The following DCAF8 variants were observed in gnomAD, a reference collection of about 807,000 sequenced individuals.
DCAF8 encodes DDB1- and CUL4-associated factor 8.
DCAF8 carries 20 observed loss-of-function variants against 68.0 expected under a neutral mutation model. That is an observed-to-expected ratio of 0.29 (90% CI 0.21 to 0.43). DCAF8 has a LOEUF of 0.43. DCAF8 is among the 20% of genes least tolerant of loss of function. The pLI is 1.00. For missense variants in DCAF8, 460 were observed against 771.0 expected (o/e 0.60, Z 4.78); for synonymous variants, 230 against 276.9 (o/e 0.83, Z 1.68).
chr1:160,222,636 G>C lies in DCAF8; in HGVS notation c.1440+15C>G. The C allele has an allele frequency of 6.2e-7, 1 of 1,613,760 alleles. No homozygotes were observed. Among genetic ancestry groups the C allele is most frequent in the Non-Finnish European group, 8.5e-7 (1 of 1,179,788 alleles). On this transcript the variant is annotated intron_variant, in intron 11 of 13. Transcript: ENST00000368074. ...AGAGATTAGGGAGCCAGCCAGCTCA[G>C]CACACCATACTCACCACGCCTCCCT...
intron 6 of DCAF8, among the ~76,000 whole-genome samples, chr1:160,234,756 A>T (rs982780615): frequency 3.3e-5 from 5 of 152,210 alleles, no homozygotes; most frequent in African/African-American, 1.2e-4. Context: ...AACAAACATC[A>T]TGTAGTTCAA....
intron 2 of DCAF8, among the ~76,000 whole-genome samples, chr1:160,260,663 T>C (rs915097834): frequency 3.9e-5 from 6 of 152,140 alleles, no homozygotes. Context: ...AGGATGTTTC[T>C]TCTGCTAACC....
At chr1:160,240,937 C>A (rs2369473) in intron 3 of DCAF8, among the ~76,000 whole-genome samples, 65,143 of 151,824 alleles carry the variant, frequency 0.43, 14,939 homozygotes, top group South Asian at 0.61. Context: ...GGCCGAGGCA[C>A]GTGGATCACG....
intron 2 of DCAF8, among the ~76,000 whole-genome samples, chr1:160,246,678 G>T (rs572508000): frequency 3.9e-5 from 6 of 152,082 alleles, no homozygotes; most frequent in Non-Finnish European, 1.5e-5. Flanking sequence ...TCAAGTATAG[G>T]AGCCACTGAA....
intron 11 of DCAF8, among the ~76,000 whole-genome samples, chr1:160,221,539 T>C (rs1283719826): frequency 6.6e-6 from 1 of 152,076 alleles, no homozygotes; most frequent in East Asian, 1.9e-4. Context: ...ACATAAGGAA[T>C]GGGATCCTGA....
At chr1:160,223,059 C>T (rs1433584959) in intron 10 of DCAF8, among the ~76,000 whole-genome samples, 1 of 152,220 alleles carries the variant, frequency 6.6e-6, no homozygotes. Flanking sequence ...AATCTCTTAC[C>T]TGTCCCACCC....
At chr1:160,238,497 G>C in intron 5 of DCAF8, 110 bp downstream of exon 5, 1 of 1,220,826 alleles carries the variant, frequency 8.2e-7, no homozygotes. Context: ...AAAGAGGTGA[G>C]GCACATGACC....
intron 7 of DCAF8, among the ~76,000 whole-genome samples, chr1:160,227,283 G>A (rs1655509217): frequency 6.6e-6 from 1 of 152,194 alleles, no homozygotes; most frequent in Non-Finnish European, 1.5e-5. Flanking sequence ...AATGTCAAGA[G>A]TAGAGAAAAA....
intron 2 of DCAF8, among the ~76,000 whole-genome samples, chr1:160,249,284 G>A (rs967150631): frequency 6.6e-6 from 1 of 152,088 alleles, no homozygotes. Context: ...AAACCACAAT[G>A]AGAATCCACT....
chr1:160,229,102 G>A (rs972634168), intron 7 of DCAF8, among the ~76,000 whole-genome samples: 5 of 152,122 alleles, frequency 3.3e-5, no homozygotes, highest in Admixed American at 3.3e-4. Flanking sequence ...TTCGAGACCA[G>A]CCTGGCCAAC....
In DCAF8 at chr1:160,217,723, G is replaced by A. The variant is rs1192724069; in HGVS notation, c.1678-15C>T. ...TCTCGCCAGCGCTGTGGATGGGAAA[G>A]GCTTGTTAGTAACTTCCCTGGATGG... On this transcript the variant is annotated splice_polypyrimidine_tract_variant and intron_variant, in intron 13 of 13. Coordinates refer to ENST00000368074, the MANE Select transcript of DCAF8 (RefSeq NM_015726.4). The A allele has an allele frequency of 1.2e-6, 2 of 1,604,480 alleles. No homozygotes were observed.
intron 4 of DCAF8, chr1:160,239,083 A>G (rs1341832676): frequency 1.7e-5 from 14 of 806,752 alleles, no homozygotes; most frequent in Non-Finnish European, 2.2e-5. Context: ...GAAAGTAAAT[A>G]TAAATTTGCT....
intron 1 of DCAF8, 199 bp downstream of exon 1, chr1:160,262,250 A>G (rs1292706415): frequency 2.5e-6 from 1 of 398,408 alleles, no homozygotes; most frequent in Non-Finnish European, 4.4e-6. Flanking sequence ...GGGGGGGCGC[A>G]GGCCGAGCCG....
rs115876279 is a variant in DCAF8 at position 160,247,144 on chromosome 1, A to G, written c.-26-3110T>C. On this transcript the variant is annotated intron_variant, in intron 2 of 13. Transcript: ENST00000368074. ...TTCATGTAAAATCTAGTCCAAAGCT[A>G]ATCTTGCTGAGGTTGGAAAAGCTGA... Among the ~76,000 whole-genome samples the G allele has an allele frequency of 7.4e-3, 1,132 of 152,252 alleles. 16 individuals carry two copies. Among genetic ancestry groups the G allele is most frequent in the African/African-American group, 0.026 (1,067 of 41,520 alleles).
At position 160,225,560 on chromosome 1, in the gene DCAF8, C is replaced by G. The variant is rs376678771; in HGVS notation, c.1143+31G>C. 30 of 1,572,556 alleles carry G rather than the reference C, an allele frequency of 1.9e-5. 1 individual carries two copies. The highest frequency in any genetic ancestry group is 2.6e-5 in the Non-Finnish European group (30 of 1,143,788). ...CAGCCTTGGGGTTGAGTCAGGGAAG[C>G]CTGCAGCAACTGGCCCTTCATGAAT... is the stretch of plus-strand genomic sequence containing the variant. On this transcript the variant is annotated intron_variant, in intron 8 of 13. Coordinates refer to ENST00000368074, the MANE Select transcript of DCAF8 (RefSeq NM_015726.4).
At chr1:160,236,432 ATGTGTGTGTG>A (rs200487674) in intron 6 of DCAF8, among the ~76,000 whole-genome samples, 1 of 149,518 alleles carries the variant, frequency 6.7e-6, no homozygotes, top group African/African-American at 2.5e-5. Flanking sequence ...GTGTGTGTGT[ATGTGTGTGTG>A]TGTGTATATA....
At chr1:160,249,109 G>T (rs1655952500) in intron 2 of DCAF8, among the ~76,000 whole-genome samples, 2 of 151,604 alleles carry the variant, frequency 1.3e-5, no homozygotes, top group South Asian at 4.2e-4. Flanking sequence ...AGAATCGCTT[G>T]AACCTAGAAG....
intron 2 of DCAF8, among the ~76,000 whole-genome samples, chr1:160,259,980 T>C (rs979379435): frequency 7.9e-5 from 12 of 152,050 alleles, no homozygotes; most frequent in African/African-American, 2.9e-4. Flanking sequence ...AGCTGACCAA[T>C]TAAAAATCAG....
chr1:160,245,697 A>G (rs898363369), intron 2 of DCAF8, among the ~76,000 whole-genome samples: 4 of 152,208 alleles, frequency 2.6e-5, no homozygotes, highest in African/African-American at 7.2e-5. Flanking sequence ...GCTGTTTGCA[A>G]TGCATTTTGT....
Sources: allele counts gnomAD v4.1 joint callset (sites outside exome capture counted in the v4.1 genomes callset), GRCh38; gene constraint gnomAD v4.1.1; transcripts MANE v1.5; gene names NCBI Gene and HGNC (gene_info 2026-07-23, HGNC 2026-07-21).